Variants in NTM observed in about 807,000 individuals in gnomAD.
The protein encoded by NTM is IgLON family member 2.
A neutral mutation model predicts 42.1 loss-of-function variants in NTM; 13 were observed. The observed-to-expected ratio is 0.31, with a 90% CI of 0.20 to 0.49. The LOEUF (loss-of-function observed/expected upper bound fraction) is 0.49. NTM is among the 20% of genes least tolerant of loss of function. The probability of loss-of-function intolerance (pLI) is 0.99; values close to 1 mark genes in which losing one functional copy is unlikely to be tolerated. For synonymous variants in NTM, 187 were observed against 179.2 expected, an observed-to-expected ratio of 1.04 and a Z score of -0.35; for missense variants, 373 against 452.8, an observed-to-expected ratio of 0.82 and a Z score of 1.60.
chr11:131,505,911 C>T, intron 1 of NTM, among the ~76,000 whole-genome samples: 1 of 152,122 alleles, frequency 6.6e-6, no homozygotes, highest in Non-Finnish European at 1.5e-5. Context: ...CTTAGATTTA[C>T]AAAGTGGGAT....
At chr11:131,958,226 C>T (rs1005197214) in intron 2 of NTM, among the ~76,000 whole-genome samples, 34 of 152,078 alleles carry the variant, frequency 2.2e-4, no homozygotes, top group African/African-American at 3.1e-4. Flanking sequence ...AGACATAGAA[C>T]GTAAAAGGCA....
At chr11:132,206,133 G>T (rs1407222280) in intron 3 of NTM, among the ~76,000 whole-genome samples, 1 of 152,148 alleles carries the variant, frequency 6.6e-6, no homozygotes, top group African/African-American at 2.4e-5. Context: ...ACTGTCGATT[G>T]ATTTCTGTGA....
intron 1 of NTM, among the ~76,000 whole-genome samples, chr11:131,565,381 G>A (rs564885596): frequency 6.6e-6 from 1 of 152,344 alleles, no homozygotes; most frequent in African/African-American, 2.4e-5. Context: ...CCCAGGTAGA[G>A]CGTCTCCTCG....
intron 1 of NTM, among the ~76,000 whole-genome samples, chr11:131,727,822 T>C (rs2079143055): frequency 6.6e-6 from 1 of 152,216 alleles, no homozygotes; most frequent in African/African-American, 2.4e-5. Context: ...CTCCATTGTC[T>C]TTCTGACTAC....
In NTM at chr11:131,697,347, C is replaced by T. The variant is rs540190787; in HGVS notation, c.83-214217C>T. On this transcript the variant is annotated intron_variant, in intron 1 of 8. Transcript: ENST00000683400. ...ATTTTGAAAGCCTTACTTGATCTAC[C>T]GTTGCAGCTTCATCCAGAGTACTGT... Among the ~76,000 whole-genome samples the T allele has an allele frequency of 1.2e-3, 184 of 152,344 alleles. 3 individuals are homozygous for T. Among genetic ancestry groups the T allele is most frequent in the Admixed American group, 6.5e-4 (10 of 15,304 alleles).
intron 1 of NTM, among the ~76,000 whole-genome samples, chr11:131,552,978 C>T (rs1004811477): frequency 3.9e-5 from 6 of 152,196 alleles, no homozygotes; most frequent in Admixed American, 2.0e-4. Flanking sequence ...ACAATCCAAA[C>T]CAAGCTACAG....
chr11:131,443,534 T>A (rs1051289986), intron 1 of NTM, among the ~76,000 whole-genome samples: 48 of 152,308 alleles, frequency 3.2e-4, no homozygotes, highest in Non-Finnish European at 5.9e-4. Context: ...TGGAAATATA[T>A]GCATCGAGCC....
At chr11:131,984,570 T>C (rs1456592614) in intron 2 of NTM, 1 of 152,212 alleles carries the variant, frequency 6.6e-6, no homozygotes, top group Non-Finnish European at 1.5e-5. Context: ...AAGTGGTCAT[T>C]GTGGAGTACG....
At chr11:131,910,108 T>C (rs552100714) in intron 1 of NTM, 1 of 152,374 alleles carries the variant, frequency 6.6e-6, no homozygotes, top group Admixed American at 6.5e-5. Context: ...AATGGTAGTG[T>C]TGAGTCTCTG....
chr11:131,833,153 C>T (rs574123976), intron 1 of NTM, among the ~76,000 whole-genome samples: 3 of 152,150 alleles, frequency 2.0e-5, no homozygotes, highest in Non-Finnish European at 4.4e-5. Flanking sequence ...TAGATTTCAC[C>T]TGTTCACGTT....
At chr11:131,503,614 C>T (rs1051642017) in intron 1 of NTM, among the ~76,000 whole-genome samples, 4 of 151,902 alleles carry the variant, frequency 2.6e-5, no homozygotes, top group Non-Finnish European at 5.9e-5. Context: ...CCTTAACCTC[C>T]CAGACTCAAG....
At chr11:132,084,706 T>C (rs1239502864) in intron 2 of NTM, among the ~76,000 whole-genome samples, 3 of 152,232 alleles carry the variant, frequency 2.0e-5, no homozygotes, top group Non-Finnish European at 4.4e-5. Context: ...TAAGAGGAAA[T>C]ACTTAGCTTT....
intron 4 of NTM, among the ~76,000 whole-genome samples, chr11:132,264,135 A>G (rs2093035587): frequency 6.6e-6 from 1 of 152,100 alleles, no homozygotes; most frequent in Admixed American, 6.6e-5. Context: ...AGAAATGTCT[A>G]TTTTCCCACC....
intron 4 of NTM, among the ~76,000 whole-genome samples, chr11:132,303,193 A>G (rs972064871): frequency 1.3e-5 from 2 of 152,248 alleles, no homozygotes; most frequent in East Asian, 3.8e-4. Context: ...TTAGTGTCCC[A>G]GGACTACTGT....
chr11:132,015,632 G>GTT (rs2073258391), intron 2 of NTM, among the ~76,000 whole-genome samples: 1 of 79,776 alleles, frequency 1.3e-5, no homozygotes, highest in South Asian at 5.5e-4. Flanking sequence ...TTTATTCTTA[G>GTT]ATATTTTATT....
intron 3 of NTM, among the ~76,000 whole-genome samples, chr11:132,208,010 C>A (rs748151266): frequency 2.0e-5 from 3 of 152,088 alleles, no homozygotes; most frequent in Admixed American, 6.5e-5. Flanking sequence ...ATGCTTGGCA[C>A]AATGCTGGCA....
intron 2 of NTM, among the ~76,000 whole-genome samples, chr11:132,123,109 TTC>T (rs2065112137): frequency 6.6e-6 from 1 of 152,164 alleles, no homozygotes; most frequent in African/African-American, 2.4e-5. Flanking sequence ...CCCCCTTTGC[TTC>T]TCTCTCTTTT....
At chr11:131,450,838 A>G (rs1950423611) in intron 1 of NTM, among the ~76,000 whole-genome samples, 1 of 152,186 alleles carries the variant, frequency 6.6e-6, no homozygotes, top group South Asian at 2.1e-4. Flanking sequence ...TAGATTTTTT[A>G]TAGCCCAAAT....
chr11:132,273,378 G>A (rs1429419828), intron 4 of NTM, among the ~76,000 whole-genome samples: 6 of 109,972 alleles, frequency 5.5e-5, no homozygotes, highest in Non-Finnish European at 6.8e-5. Context: ...ATATTGGTCT[G>A]TAGTTTTCCT....
Sources: gnomAD v4.1 joint callset for allele counts (sites outside exome capture counted in the v4.1 genomes callset) on GRCh38, gnomAD v4.1.1 for gene constraint, MANE v1.5 for transcripts, NCBI Gene and HGNC (gene_info 2026-07-23, HGNC 2026-07-21) for gene names.